DDX10: variants seen among roughly 807,000 people sequenced by gnomAD.
DDX10 encodes the protein DEAD-box helicase 10.
A neutral mutation model predicts 104.3 loss-of-function variants in DDX10; 74 were observed. That is an observed-to-expected ratio of 0.71 (90% CI 0.59 to 0.86). The LOEUF (loss-of-function observed/expected upper bound fraction) is 0.86. Among genes scored for constraint, DDX10 ranks in the 40% least tolerant of loss-of-function variants. The probability of loss-of-function intolerance (pLI) is 0.00; values close to 1 mark genes in which losing one functional copy is unlikely to be tolerated. For synonymous variants in DDX10, 351 were observed against 353.4 expected, an observed-to-expected ratio of 0.99 and a Z score of 0.08; for missense variants, 952 against 1,040.0, an observed-to-expected ratio of 0.92 and a Z score of 1.16.
intron 16 of DDX10, among the ~76,000 whole-genome samples, chr11:108,858,955 T>TA (rs892983994): frequency 4.6e-5 from 7 of 152,234 alleles, no homozygotes; most frequent in Admixed American, 4.6e-4. Context: ...TCCTTGCTCA[T>TA]AAATATTTGT....
intron 16 of DDX10, among the ~76,000 whole-genome samples, chr11:108,914,707 G>C (rs1242572754): frequency 6.6e-6 from 1 of 152,034 alleles, no homozygotes; most frequent in Non-Finnish European, 1.5e-5. Flanking sequence ...ATCAGTAGAA[G>C]CTGACTTAGC....
intron 13 of DDX10, among the ~76,000 whole-genome samples, chr11:108,771,571 T>C (rs1206476816): frequency 6.6e-6 from 1 of 152,166 alleles, no homozygotes; most frequent in East Asian, 1.9e-4. Context: ...GGTCTCGATC[T>C]CCTGACCTCG....
At chr11:108,758,714 C>G in intron 13 of DDX10, among the ~76,000 whole-genome samples, 1 of 152,032 alleles carries the variant, frequency 6.6e-6, no homozygotes, top group East Asian at 1.9e-4. Context: ...ACTCTGATCT[C>G]CCCTTCTGCC....
intron 16 of DDX10, among the ~76,000 whole-genome samples, chr11:108,895,737 A>G (rs1213313910): frequency 6.6e-6 from 1 of 152,102 alleles, no homozygotes; most frequent in Non-Finnish European, 1.5e-5. Context: ...AGCAGAGGAA[A>G]GATCACAAGT....
At chr11:108,908,702 C>A (rs1386821196) in intron 16 of DDX10, among the ~76,000 whole-genome samples, 2 of 152,098 alleles carry the variant, frequency 1.3e-5, no homozygotes, top group Admixed American at 1.3e-4. Flanking sequence ...TCTTGTGTCC[C>A]ATTTATATTT....
chr11:108,909,875 A>G (rs1172321045), intron 16 of DDX10, among the ~76,000 whole-genome samples: 1 of 152,218 alleles, frequency 6.6e-6, no homozygotes, highest in African/African-American at 2.4e-5. Flanking sequence ...GAGAAATAGC[A>G]TGCACGAAGA....
chr11:108,893,421 A>C (rs553116184), intron 16 of DDX10, among the ~76,000 whole-genome samples: 1 of 152,100 alleles, frequency 6.6e-6, no homozygotes, highest in Non-Finnish European at 1.5e-5. Flanking sequence ...TAAAATGTGA[A>C]ATTCTAACAG....
At chr11:108,781,971 A>G (rs1220365572) in intron 13 of DDX10, among the ~76,000 whole-genome samples, 1 of 152,166 alleles carries the variant, frequency 6.6e-6, no homozygotes, top group African/African-American at 2.4e-5. Context: ...TTCTTCTGGG[A>G]TACTCCCCTC....
intron 13 of DDX10, among the ~76,000 whole-genome samples, chr11:108,735,554 T>A (rs1461062055): frequency 6.6e-6 from 1 of 151,994 alleles, no homozygotes; most frequent in Admixed American, 6.6e-5. Context: ...ACTTTAGAGG[T>A]TTTAAGCATT....
chr11:108,808,337 G>A (rs2134565378), intron 13 of DDX10, among the ~76,000 whole-genome samples: 1 of 150,484 alleles, frequency 6.6e-6, no homozygotes, highest in South Asian at 2.1e-4. Flanking sequence ...AGCAGTTTAG[G>A]ATTGATTTTT....
chr11:108,725,391 C>T (rs184980343), intron 13 of DDX10, among the ~76,000 whole-genome samples: 2 of 152,166 alleles, frequency 1.3e-5, no homozygotes, highest in Admixed American at 1.3e-4. Context: ...AGAAACTCCC[C>T]AGTTGTTTTC....
intron 1 of DDX10, among the ~76,000 whole-genome samples, chr11:108,671,601 T>C (rs764601558): frequency 6.6e-6 from 1 of 152,204 alleles, no homozygotes; most frequent in Non-Finnish European, 1.5e-5. Flanking sequence ...TTAGGCTTTA[T>C]GGTCCATACA....
At chr11:108,750,868 CCA>C in intron 13 of DDX10, among the ~76,000 whole-genome samples, 1 of 145,766 alleles carries the variant, frequency 6.9e-6, no homozygotes, top group Non-Finnish European at 1.5e-5. Context: ...AGTGGTCCTT[CCA>C]CTTCAGCCTC....
At chr11:108,675,493 T>A in intron 2 of DDX10, 103 bp from the exon 3 acceptor site, 34 of 1,282,452 alleles carry the variant, frequency 2.7e-5, no homozygotes, top group Non-Finnish European at 3.7e-5. Context: ...GTACGAGGCA[T>A]TAGGGCTTCA....
At chr11:108,727,497 T>C (rs1389365007) in intron 13 of DDX10, among the ~76,000 whole-genome samples, 4 of 152,196 alleles carry the variant, frequency 2.6e-5, no homozygotes, top group Non-Finnish European at 5.9e-5. Context: ...CTCTACTTTA[T>C]TCCAAATTCC....
chr11:108,939,635 C>A (rs903441017), intron 17 of DDX10, among the ~76,000 whole-genome samples: 7 of 152,088 alleles, frequency 4.6e-5, no homozygotes, highest in African/African-American at 1.4e-4. Context: ...CAGAAATTAG[C>A]TTTGTTTTTA....
At chr11:108,927,362 T>C (rs528906727) in intron 17 of DDX10, among the ~76,000 whole-genome samples, 39 of 152,350 alleles carry the variant, frequency 2.6e-4, no homozygotes, top group Admixed American at 4.6e-4. Flanking sequence ...ACAGAAGTTA[T>C]GAGCTCTGAA....
intron 13 of DDX10, among the ~76,000 whole-genome samples, chr11:108,779,246 A>G (rs1206561795): frequency 1.3e-5 from 2 of 152,242 alleles, no homozygotes; most frequent in African/African-American, 2.4e-5. Flanking sequence ...ACGTATGTTT[A>G]TTGCAGCACT....
intron 13 of DDX10, among the ~76,000 whole-genome samples, chr11:108,765,511 T>C (rs2094355424): frequency 6.6e-6 from 1 of 152,226 alleles, no homozygotes; most frequent in Non-Finnish European, 1.5e-5. Context: ...CAGAAAAATA[T>C]TTGTAGCCCT....
Sources: allele counts gnomAD v4.1 joint callset (sites outside exome capture counted in the v4.1 genomes callset), GRCh38; gene constraint gnomAD v4.1.1; transcripts MANE v1.5; gene names NCBI Gene and HGNC (gene_info 2026-07-23, HGNC 2026-07-21).